DDAH1: variants seen among roughly 807,000 people sequenced by gnomAD.
The protein encoded by DDAH1 is dimethylarginine dimethylaminohydrolase 1.
DDAH1 carries 19 observed loss-of-function variants against 28.8 expected under a neutral mutation model. The observed-to-expected ratio is 0.66, with a 90% CI of 0.46 to 0.97. The LOEUF is 0.97. DDAH1 is among the 50% of genes least tolerant of loss of function. The pLI, the probability that DDAH1 is intolerant of heterozygous loss-of-function variation, is 0.00. For missense variants in DDAH1, 326 were observed against 375.9 expected (o/e 0.87, Z 1.10); for synonymous variants, 153 against 154.4 (o/e 0.99, Z 0.07).
chr1:85,331,077 G>A (rs1222564583), intron 4 of DDAH1, among the ~76,000 whole-genome samples: 1 of 152,188 alleles, frequency 6.6e-6, no homozygotes, highest in African/African-American at 2.4e-5. Flanking sequence ...CCCCAGGGTG[G>A]AGCTGTCACA....
chr1:85,536,019 G>A (rs1395071020), intron 1 of DDAH1, among the ~76,000 whole-genome samples: 3 of 152,080 alleles, frequency 2.0e-5, no homozygotes, highest in Non-Finnish European at 2.9e-5. Context: ...CCATCACTTT[G>A]GGAGGCTAAG....
chr1:85,370,190 T>A (rs1402960410), intron 1 of DDAH1, among the ~76,000 whole-genome samples: 4 of 152,116 alleles, frequency 2.6e-5, no homozygotes, highest in Admixed American at 2.6e-4. Context: ...AAGAGCAGAC[T>A]AGGATAAAGA....
At chr1:85,451,233 C>T (rs987970083) in intron 1 of DDAH1, among the ~76,000 whole-genome samples, 4 of 152,184 alleles carry the variant, frequency 2.6e-5, no homozygotes, top group South Asian at 2.1e-4. Context: ...GGTCTGGCCA[C>T]AGCCCAATGG....
intron 1 of DDAH1, among the ~76,000 whole-genome samples, chr1:85,538,235 T>C (rs1352331566): frequency 6.6e-6 from 1 of 152,214 alleles, no homozygotes; most frequent in African/African-American, 2.4e-5. Context: ...CTGGTTTTAG[T>C]GGACATGAGC....
chr1:85,519,651 C>G (rs1657604485), intron 1 of DDAH1, among the ~76,000 whole-genome samples: 1 of 152,088 alleles, frequency 6.6e-6, no homozygotes, highest in African/African-American at 2.4e-5. Flanking sequence ...TAAAAACAAT[C>G]TTAAACTTAT....
At chr1:85,377,555 C>T (rs41438644) in intron 1 of DDAH1, among the ~76,000 whole-genome samples, 2 of 151,990 alleles carry the variant, frequency 1.3e-5, no homozygotes, top group Non-Finnish European at 2.9e-5. Flanking sequence ...CATTTTTAGA[C>T]GTTTCCATAC....
At chr1:85,536,991 A>T (rs1210808572) in intron 1 of DDAH1, among the ~76,000 whole-genome samples, 46 of 145,646 alleles carry the variant, frequency 3.2e-4, no homozygotes, top group African/African-American at 1.0e-3. Context: ...ATATACGTAT[A>T]TACATACACA....
intron 2 of DDAH1, among the ~76,000 whole-genome samples, chr1:85,479,459 C>A (rs1655926995): frequency 6.6e-6 from 1 of 152,076 alleles, no homozygotes; most frequent in Non-Finnish European, 1.5e-5. Context: ...AGGCGTGAGC[C>A]ACCGCGCCTG....
intron 1 of DDAH1, among the ~76,000 whole-genome samples, chr1:85,423,731 T>C (rs1417651497): frequency 6.6e-6 from 1 of 152,172 alleles, no homozygotes; most frequent in East Asian, 1.9e-4. Flanking sequence ...GAGACAATCA[T>C]GCAAAAAATA....
At chr1:85,329,400 C>T (rs1213683682) in intron 4 of DDAH1, among the ~76,000 whole-genome samples, 1 of 152,168 alleles carries the variant, frequency 6.6e-6, no homozygotes, top group African/African-American at 2.4e-5. Context: ...CAGTTACTGG[C>T]ATGTATTTGA....
At chr1:85,576,001 T>A (rs909940345) in intron 1 of DDAH1, 2 of 151,812 alleles carry the variant, frequency 1.3e-5, no homozygotes. Context: ...ACATGGCACA[T>A]GTATACATAT....
At chr1:85,344,354 C>G (rs2100829005) in intron 4 of DDAH1, among the ~76,000 whole-genome samples, 1 of 152,188 alleles carries the variant, frequency 6.6e-6, no homozygotes, top group South Asian at 2.1e-4. Context: ...AAAAACAAAA[C>G]AAGACAAAAC....
chr1:85,506,904 T>A (rs996480809), intron 1 of DDAH1, among the ~76,000 whole-genome samples: 87 of 152,174 alleles, frequency 5.7e-4, no homozygotes, highest in African/African-American at 1.9e-3. Context: ...TAAGAGGCGA[T>A]GAAGAGCAGT....
rs374717351 is a variant in DDAH1 at position 85,418,239 on chromosome 1, C to G, written c.303+46504G>C. Among the ~76,000 whole-genome samples, 4 of 152,150 alleles carry G rather than the reference C, an allele frequency of 2.6e-5. No individual in the cohort carries two copies. The East Asian group carries it at 7.7e-4, about 29-fold the overall frequency. ...CAAGTGGACCAATCAAAAAATTGGTCCAAGAAAAGCATTTCCCTTTTTCGT... is the reference window on the plus strand; with the variant it reads ...CAAGTGGACCAATCAAAAAATTGGTGCAAGAAAAGCATTTCCCTTTTTCGT... On this transcript the variant is annotated intron_variant, in intron 1 of 5. Coordinates refer to ENST00000284031, the MANE Select transcript of DDAH1 (RefSeq NM_012137.4).
chr1:85,502,439 C>T (rs1005541667), intron 1 of DDAH1, among the ~76,000 whole-genome samples: 2 of 152,228 alleles, frequency 1.3e-5, no homozygotes, highest in African/African-American at 4.8e-5. Flanking sequence ...TGAGATCACA[C>T]ATGCTCAACT....
At chr1:85,547,079 AG>A (rs1318215255) in intron 1 of DDAH1, among the ~76,000 whole-genome samples, 3 of 152,152 alleles carry the variant, frequency 2.0e-5, no homozygotes, top group African/African-American at 7.2e-5. Flanking sequence ...ATCCTCTCAG[AG>A]GAGAAATTTG....
intron 1 of DDAH1, among the ~76,000 whole-genome samples, chr1:85,447,270 T>C (rs1231941412): frequency 1.3e-5 from 2 of 152,230 alleles, no homozygotes; most frequent in Non-Finnish European, 2.9e-5. Context: ...GCTGGCCAGC[T>C]ATATATCACT....
At chr1:85,355,708 G>A (rs937153963) in intron 2 of DDAH1, among the ~76,000 whole-genome samples, 5 of 152,054 alleles carry the variant, frequency 3.3e-5, no homozygotes, top group African/African-American at 9.7e-5. Context: ...AATGTACATA[G>A]AAACACAGAA....
At chr1:85,554,450 G>C (rs1339570564) in intron 1 of DDAH1, among the ~76,000 whole-genome samples, 2 of 152,054 alleles carry the variant, frequency 1.3e-5, no homozygotes, top group Non-Finnish European at 2.9e-5. Context: ...ATAAGAATAA[G>C]ATTTTGTGGT....
Sources: gnomAD v4.1 joint callset for allele counts (sites outside exome capture counted in the v4.1 genomes callset) on GRCh38, gnomAD v4.1.1 for gene constraint, MANE v1.5 for transcripts, NCBI Gene and HGNC (gene_info 2026-07-23, HGNC 2026-07-21) for gene names.